The following HBM variants were observed in gnomAD, a reference collection of about 807,000 sequenced individuals.
HBM encodes the protein alpha globin pseudogene 2.
Under a neutral mutation model 12.8 loss-of-function variants are expected in HBM, and 9 were observed. The observed-to-expected ratio is 0.70, with a 90% confidence interval of 0.42 to 1.23. The LOEUF (loss-of-function observed/expected upper bound fraction) is 1.23. HBM is among the 50% of genes most tolerant of loss of function. The probability of loss-of-function intolerance (pLI) is 0.00; values close to 1 mark genes in which losing one functional copy is unlikely to be tolerated. For missense variants in HBM, 214 were observed against 195.4 expected (o/e 1.10, Z -0.57); for synonymous variants, 100 against 92.0 (o/e 1.09, Z -0.50).
intron 1 of HBM, 77 bp from the exon 2 acceptor site, chr16:166,191 C>CG (rs11431675): frequency 0.74 from 1,076,951 of 1,452,868 alleles, 402,558 homozygotes; most frequent in African/African-American, 0.95. Flanking sequence ...TGCGGATCCC[C>CG]GGGCTCTGGG....
In HBM at chr16:166,650, C is replaced by T. The variant is rs747177626; in HGVS notation, c.368C>T (p.Ala123Val). The T allele has an allele frequency of 2.5e-6, 4 of 1,614,114 alleles. No individual in the cohort carries two copies. The highest frequency in any genetic ancestry group is 1.3e-5 in the African/African-American group (1 of 75,054). Reference sequence around the variant, plus strand: ...GACGAGTTCACCGTGCAAATGCAAGCGGCGTGGGACAAGTTCCTGACTGGT... The same window carrying T: ...GACGAGTTCACCGTGCAAATGCAAGTGGCGTGGGACAAGTTCCTGACTGGT... ...LQDEFTVQMQAAWDKFLTGVA... is the reference protein window; with the variant it reads ...LQDEFTVQMQVAWDKFLTGVA... Residue 123 changes from alanine (A) to valine (V), a missense_variant, in exon 3 of 3, where the codon GCG becomes GTG. Ala to Val is a moderately conservative substitution (Grantham distance 64, BLOSUM62 0). Coordinates refer to ENST00000356815, the MANE Select transcript of HBM (RefSeq NM_001003938.4).
rs1273256447 is a variant in HBM, at chr16:166,417, G to A, written c.242G>A (p.Ser81Asn). 2 of 1,554,782 alleles carry A rather than the reference G, an allele frequency of 1.3e-6. No individual in the cohort carries two copies. The highest frequency in any genetic ancestry group is 1.4e-5 in the African/African-American group (1 of 73,974). Reference sequence around the variant, plus strand: ...GTGGACAACCTGCGCGCCGCGCTGAGCCCGCTGGCGGACCTGCACGCGCTC... The same window carrying A: ...GTGGACAACCTGCGCGCCGCGCTGAACCCGCTGGCGGACCTGCACGCGCTC... Reference protein sequence around the residue: ...QHVDNLRAALSPLADLHALVL... With the variant: ...QHVDNLRAALNPLADLHALVL... The change falls in exon 2 of 3, where the codon AGC becomes AAC. Residue 81 changes from serine to asparagine, a missense_variant. Physicochemically the swap from Ser to Asn is conservative, Grantham distance 46. Coordinates refer to ENST00000356815, the MANE Select transcript of HBM (RefSeq NM_001003938.4).
Position 166,439 on chromosome 16 carries a change from G to A in HBM, c.264G>A (p.Ala88=), listed in dbSNP as rs1340812281. ...TGAGCCCGCTGGCGGACCTGCACGC[G>A]CTCGTGCTGCGCGTGGACCCAGCCA... ...AALSPLADLH[A]LVLRVDPANF... Residue 88 remains alanine (A), a synonymous_variant, in exon 2 of 3, where the codon GCG becomes GCA. Transcript: ENST00000356815. 1.3e-6 allele frequency: 2 copies of A among 1,548,346 alleles called. No homozygotes were observed. Among genetic ancestry groups the A allele is most frequent in the African/African-American group, 1.4e-5 (1 of 73,814 alleles).
chr16:166,244 C>G, intron 1 of HBM, 24 bp from the exon 2 acceptor site: 1 of 1,575,692 alleles, frequency 6.3e-7, no homozygotes, highest in Non-Finnish European at 8.6e-7. Flanking sequence ...GCCCTCCTCC[C>G]CGGTCACTGA....
rs118054833 is a variant in HBM at position 166,421 on chromosome 16, G to C, written c.246G>C (p.Pro82=). The C allele has an allele frequency of 1.3e-6, 2 of 1,553,394 alleles. No individual in the cohort carries two copies. Among genetic ancestry groups the C allele is most frequent in the South Asian group, 1.2e-5 (1 of 86,368 alleles). The part of the protein sequence containing the change: ...HVDNLRAALS[P]LADLHALVLR... The stretch of plus-strand genomic sequence containing the variant: ...ACAACCTGCGCGCCGCGCTGAGCCC[G>C]CTGGCGGACCTGCACGCGCTCGTGC... Residue 82 remains proline, a synonymous_variant, in exon 2 of 3, where the codon CCG becomes CCC. Transcript: ENST00000356815.
Position 166,712 on chromosome 16 carries a change from C to G in HBM, c.*4C>G. 1 of 1,613,932 alleles carries G rather than the reference C, an allele frequency of 6.2e-7. No individual in the cohort carries two copies. The highest frequency in any genetic ancestry group is 1.3e-5 in the African/African-American group (1 of 75,072). The stretch of plus-strand genomic sequence containing the variant: ...GCTGACCGAAAAATACCGCTGAGCC[C>G]TGTGCTGCGCAGGCCTTGGTCTGTG... On this transcript the variant is annotated 3_prime_UTR_variant, in exon 3 of 3. Coordinates refer to ENST00000356815, the MANE Select transcript of HBM (RefSeq NM_001003938.4).
At position 166,014 on chromosome 16, in the gene HBM, A is replaced by G; in HGVS notation, c.17A>G (p.Glu6Gly). 6.3e-7 allele frequency: 1 copy of G among 1,590,988 alleles called. No homozygotes were observed. The highest frequency in any genetic ancestry group is 8.5e-7 in the Non-Finnish European group (1 of 1,173,684). The change falls in exon 1 of 3, where the codon GAG (glutamate) becomes GGG (glycine). Residue 6 changes from glutamate (E) to glycine (G), a missense_variant. Transcript: ENST00000356815. MLSAQ[E>G]RAQIAQVWDL... ...GGCGGCGCCATGCTCAGCGCCCAGG[A>G]GCGCGCCCAAATCGCGCAGGTCTGG... is the stretch of plus-strand genomic sequence containing the variant.
chr16:166,194 G>GA, intron 1 of HBM, 74 bp from the exon 2 acceptor site: 2 of 1,485,794 alleles, frequency 1.3e-6, no homozygotes. Context: ...GGATCCCCGG[G>GA]CTCTGGGCGG....
chr16:166,187 T>TA, intron 1 of HBM, 81 bp from the exon 2 acceptor site: 1 of 1,378,594 alleles, frequency 7.3e-7, no homozygotes, highest in Non-Finnish European at 9.5e-7. Flanking sequence ...CGGGTGCGGA[T>TA]CCCCGGGCTC....
chr16:166,486 G>A lies in HBM; in HGVS notation c.297+14G>A, dbSNP rs1276172324. 5 of 1,556,000 alleles carry A rather than the reference G, an allele frequency of 3.2e-6. No homozygotes were observed. The highest frequency in any genetic ancestry group is 1.9e-5 in the Admixed American group (1 of 52,014). ...GCCAACTTTCCGGTGAGGCCTTTCC[G>A]GCCGGGGCAATGGTGCAGCGCGCAG... On this transcript the variant is annotated intron_variant, in intron 2 of 2. Coordinates refer to ENST00000356815, the MANE Select transcript of HBM (RefSeq NM_001003938.4).
In HBM at chr16:166,317, G is replaced by A; in HGVS notation, c.142G>A (p.Ala48Thr). ...CAAGGTCTACTTCCCGCACCTGAGC[G>A]CCTGCCAGGACGCGACGCAGCTGCT... ...STKVYFPHLSACQDATQLLSH... is the reference protein window; with the variant it reads ...STKVYFPHLSTCQDATQLLSH... Residue 48 changes from alanine to threonine, a missense_variant, in exon 2 of 3, where the codon GCC becomes ACC. Physicochemically the swap from Ala to Thr is moderately conservative, Grantham distance 58. Coordinates refer to ENST00000356815, the MANE Select transcript of HBM (RefSeq NM_001003938.4). 3 of 1,595,242 alleles carry A rather than the reference G, an allele frequency of 1.9e-6. No individual in the cohort carries two copies. The highest frequency in any genetic ancestry group is 2.5e-6 in the Non-Finnish European group (3 of 1,178,622).
At chr16:166,230 A>C in intron 1 of HBM, 38 bp from the exon 2 acceptor site, 1 of 1,540,496 alleles carries the variant, frequency 6.5e-7, no homozygotes, top group Non-Finnish European at 8.8e-7. Context: ...AGCCCCACGC[A>C]GCCGCCCTCC....
At chr16:166,154 C>A in intron 1 of HBM, 65 bp downstream of exon 1, 1 of 1,477,262 alleles carries the variant, frequency 6.8e-7, no homozygotes. Context: ...GCGCGTGGGC[C>A]GCCAACGCCA....
In HBM at chr16:166,686, T is replaced by C; in HGVS notation, c.404T>C (p.Val135Ala). The C allele has an allele frequency of 6.2e-7, 1 of 1,614,084 alleles. No homozygotes were observed. ...AAGTTCCTGACTGGTGTGGCCGTGG[T>C]GCTGACCGAAAAATACCGCTGAGCC... ...WDKFLTGVAV[V>A]LTEKYR The change falls in exon 3 of 3, where the codon GTG (valine) becomes GCG (alanine). Residue 135 changes from valine (V) to alanine (A), a missense_variant. Physicochemically the swap from Val to Ala is moderately conservative, Grantham distance 64 (BLOSUM62 0). Transcript: ENST00000356815.
Position 166,724 on chromosome 16 carries a change from G to A in HBM, c.*16G>A. Reference sequence around the variant, plus strand: ...ATACCGCTGAGCCCTGTGCTGCGCAGGCCTTGGTCTGTGCCTGTCAATAAA... The same window carrying A: ...ATACCGCTGAGCCCTGTGCTGCGCAAGCCTTGGTCTGTGCCTGTCAATAAA... On this transcript the variant is annotated 3_prime_UTR_variant, in exon 3 of 3. Coordinates refer to ENST00000356815, the MANE Select transcript of HBM (RefSeq NM_001003938.4). The A allele has an allele frequency of 6.2e-7, 1 of 1,613,556 alleles. No individual in the cohort carries two copies. Among genetic ancestry groups the A allele is most frequent in the Non-Finnish European group, 8.5e-7 (1 of 1,179,764 alleles).
chr16:166,529 T>TG, intron 2 of HBM, 51 bp from the exon 3 acceptor site: 3 of 1,404,642 alleles, frequency 2.1e-6, no homozygotes, highest in Non-Finnish European at 2.9e-6. Context: ...GGGGGGGCTC[T>TG]GGGGGTCCCT....
chr16:166,223 C>T (rs1419655895), intron 1 of HBM, 45 bp from the exon 2 acceptor site: 12 of 1,518,984 alleles, frequency 7.9e-6, no homozygotes, highest in Non-Finnish European at 1.1e-5. Context: ...CTAGTGAAGC[C>T]CCACGCAGCC....
At chr16:166,222 C>A in intron 1 of HBM, 46 bp from the exon 2 acceptor site, 1 of 1,510,558 alleles carries the variant, frequency 6.6e-7, no homozygotes, top group Non-Finnish European at 9.0e-7. Flanking sequence ...GCTAGTGAAG[C>A]CCCACGCAGC....
chr16:166,232 C>A, intron 1 of HBM, 36 bp from the exon 2 acceptor site: 1 of 1,544,776 alleles, frequency 6.5e-7, no homozygotes, highest in Middle Eastern at 1.7e-4. Flanking sequence ...CCCCACGCAG[C>A]CGCCCTCCTC....
Sources: allele counts gnomAD v4.1 joint callset, GRCh38; gene constraint gnomAD v4.1.1; transcripts MANE v1.5; gene names NCBI Gene and HGNC (gene_info 2026-07-23, HGNC 2026-07-21).